BPTF: variants seen among roughly 807,000 people sequenced by gnomAD.
The protein encoded by BPTF is nucleosome-remodeling factor subunit BPTF.
Under a neutral mutation model 292.5 loss-of-function variants are expected in BPTF, and 18 were observed. The observed-to-expected ratio is 0.06, with a 90% CI of 0.04 to 0.09. The LOEUF is 0.09. Among genes scored for constraint, BPTF ranks in the 10% least tolerant of loss-of-function variants. BPTF has a pLI of 1.00. For synonymous variants in BPTF, 1,225 were observed against 1,251.9 expected (o/e 0.98, Z 0.45); for missense variants, 2,726 against 3,498.7 (o/e 0.78, Z 5.57).
intron 4 of BPTF, among the ~76,000 whole-genome samples, chr17:67,881,628 C>T (rs944680886): frequency 1.5e-4 from 23 of 150,446 alleles, no homozygotes; most frequent in African/African-American, 4.9e-4. Flanking sequence ...CTTAGCCTCC[C>T]GAGTAGCCAG....
At chr17:67,981,077 T>C (rs2070295688) in intron 27 of BPTF, among the ~76,000 whole-genome samples, 1 of 152,280 alleles carries the variant, frequency 6.6e-6, no homozygotes, top group Non-Finnish European at 1.5e-5. Context: ...GAGGATCACC[T>C]GAGCCCTGGA....
Position 67,959,888 on chromosome 17 carries a change from T to A in BPTF, c.8261+13T>A, listed in dbSNP as rs2067308318. On this transcript the variant is annotated intron_variant, in intron 24 of 27. Coordinates refer to ENST00000306378, the MANE Select transcript of BPTF (RefSeq NM_182641.4). Reference sequence around the variant, plus strand: ...ATGATGAATCTAAGTGAGTAGATCTTTTTGAGCTCTAGTTTTTTGTCTTGA... The same window carrying A: ...ATGATGAATCTAAGTGAGTAGATCTATTTGAGCTCTAGTTTTTTGTCTTGA... 6.7e-7 allele frequency: 1 copy of A among 1,492,802 alleles called. No homozygotes were observed. Among genetic ancestry groups the A allele is most frequent in the Non-Finnish European group, 8.9e-7 (1 of 1,117,404 alleles). 92.5% of individuals were successfully genotyped at this position (1,492,802 alleles called of 1,614,324 possible). A position where few individuals can be genotyped will look rare whatever the true frequency, so the allele number is the denominator to read the frequency against.
intron 20 of BPTF, 108 bp from the exon 21 acceptor site, chr17:67,945,301 C>T (rs2065721885): frequency 4.0e-6 from 6 of 1,510,472 alleles, no homozygotes; most frequent in Non-Finnish European, 5.3e-6. Context: ...GTGTGAGCCA[C>T]CACGCCTGGC....
chr17:67,980,270 GGGA>G (rs2070180985), intron 27 of BPTF, among the ~76,000 whole-genome samples: 1 of 151,946 alleles, frequency 6.6e-6, no homozygotes, highest in Admixed American at 6.6e-5. Flanking sequence ...ATTTGAACCT[GGGA>G]GGAGGAGGTT....
intron 3 of BPTF, among the ~76,000 whole-genome samples, chr17:67,874,288 A>G (rs2059927810): frequency 6.6e-6 from 1 of 152,200 alleles, no homozygotes; most frequent in African/African-American, 2.4e-5. Context: ...TTTCAGAACA[A>G]TTAAGGGACT....
At chr17:67,896,522 A>G (rs950169606) in intron 7 of BPTF, among the ~76,000 whole-genome samples, 4 of 152,254 alleles carry the variant, frequency 2.6e-5, no homozygotes, top group Non-Finnish European at 5.9e-5. Flanking sequence ...TTTTAAAAAG[A>G]AAAAACAGTT....
At chr17:67,952,063 A>G (rs1174205694) in intron 23 of BPTF, among the ~76,000 whole-genome samples, 1 of 150,996 alleles carries the variant, frequency 6.6e-6, no homozygotes, top group African/African-American at 2.4e-5. Flanking sequence ...TCAAAAAAAA[A>G]AAAAAAAAAA....
intron 8 of BPTF, 122 bp from the exon 9 acceptor site, chr17:67,904,580 A>G (rs1209884015): frequency 4.3e-6 from 3 of 699,926 alleles, no homozygotes; most frequent in Non-Finnish European, 6.5e-6. Flanking sequence ...AAACCTGGGG[A>G]TGATTAGTAA....
chr17:67,966,305 T>G, intron 25 of BPTF: 2 of 342,970 alleles, frequency 5.8e-6, no homozygotes, highest in South Asian at 6.6e-5. Context: ...CGGCTCATCA[T>G]GTAGGGCCCA....
At chr17:67,870,732 T>C (rs1227857843) in intron 3 of BPTF, among the ~76,000 whole-genome samples, 1 of 145,984 alleles carries the variant, frequency 6.9e-6, no homozygotes, top group Non-Finnish European at 1.6e-5. Context: ...TGACTTTGAC[T>C]TGATGTTAAC....
intron 5 of BPTF, chr17:67,893,157 G>T: frequency 3.6e-6 from 2 of 563,210 alleles, no homozygotes; most frequent in Non-Finnish European, 6.4e-6. Flanking sequence ...CTTAATATGT[G>T]TTAGTTTTCT....
intron 2 of BPTF, among the ~76,000 whole-genome samples, chr17:67,859,528 C>T (rs1487848920): frequency 6.6e-6 from 1 of 152,196 alleles, no homozygotes; most frequent in Non-Finnish European, 1.5e-5. Flanking sequence ...TTGATTTGCC[C>T]AAGACCCTGT....
chr17:67,920,856 T>C (rs2063383320), intron 13 of BPTF, among the ~76,000 whole-genome samples: 1 of 152,060 alleles, frequency 6.6e-6, no homozygotes, highest in Non-Finnish European at 1.5e-5. Flanking sequence ...TGAAAATATA[T>C]AAATTCCATT....
chr17:67,928,139 C>T (rs1291862311), intron 15 of BPTF, among the ~76,000 whole-genome samples: 2 of 152,168 alleles, frequency 1.3e-5, no homozygotes, highest in South Asian at 2.1e-4. Context: ...CCACCTCAGC[C>T]TCCCAGAGTG....
chr17:67,874,175 G>A (rs2059922335), intron 3 of BPTF, among the ~76,000 whole-genome samples: 2 of 152,330 alleles, frequency 1.3e-5, no homozygotes, highest in Middle Eastern at 3.4e-3. Flanking sequence ...TATACCGTGT[G>A]TTCTGTACAC....
intron 11 of BPTF, among the ~76,000 whole-genome samples, chr17:67,918,284 T>C (rs1004683987): frequency 2.0e-5 from 3 of 152,236 alleles, no homozygotes; most frequent in Admixed American, 2.0e-4. Flanking sequence ...TTCTTGTTTT[T>C]GCAAAAGTTA....
chr17:67,947,672 A>C, intron 21 of BPTF, 54 bp from the exon 22 acceptor site: 2 of 1,360,122 alleles, frequency 1.5e-6, no homozygotes, highest in Middle Eastern at 1.9e-4. Context: ...TTATCTGTGT[A>C]CTAACCTGTG....
At chr17:67,979,679 G>C (rs138850009) in intron 27 of BPTF, among the ~76,000 whole-genome samples, 1 of 152,326 alleles carries the variant, frequency 6.6e-6, no homozygotes, top group African/African-American at 2.4e-5. Context: ...AAATGGTTAA[G>C]TGAGCTTGGT....
intron 7 of BPTF, among the ~76,000 whole-genome samples, chr17:67,895,731 G>A (rs1217651969): frequency 6.6e-6 from 1 of 151,994 alleles, no homozygotes; most frequent in African/African-American, 2.4e-5. Context: ...CGGAGTGCTG[G>A]GATTACAGTT....
Sources: allele counts gnomAD v4.1 joint callset (sites outside exome capture counted in the v4.1 genomes callset), GRCh38; gene constraint gnomAD v4.1.1; transcripts MANE v1.5; gene names NCBI Gene and HGNC (gene_info 2026-07-23, HGNC 2026-07-21).